Variants in WWOX observed in about 807,000 individuals in gnomAD.
The protein encoded by WWOX is WW domain-containing oxidoreductase.
Under a neutral mutation model 46.2 loss-of-function variants are expected in WWOX, and 69 were observed. The ratio of observed to expected loss-of-function variants is 1.49; its 90% confidence interval spans 1.23 to 1.82. The LOEUF is 1.82. Among genes scored for constraint, WWOX ranks in the 40% most tolerant of loss-of-function variants. The probability of loss-of-function intolerance (pLI) is 0.00; values close to 1 mark genes in which losing one functional copy is unlikely to be tolerated. For synonymous variants in WWOX, 359 were observed against 202.6 expected (o/e 1.77, Z -6.56); for missense variants, 919 against 542.6 (o/e 1.69, Z -6.89).
intron 8 of WWOX, among the ~76,000 whole-genome samples, chr16:78,648,917 A>T (rs1034444005): frequency 8.6e-5 from 13 of 152,042 alleles, no homozygotes; most frequent in African/African-American, 2.9e-4. Context: ...ATTTTTTCCC[A>T]CATGGCTTTT....
rs59614274 is a variant in WWOX, at chr16:78,861,156, C to G, written c.1057-350452C>G. Among the ~76,000 whole-genome samples, 1,278 of 152,202 alleles carry G rather than the reference C, an allele frequency of 8.4e-3. 21 individuals are homozygous for G. The highest frequency in any genetic ancestry group is 0.029 in the African/African-American group (1,213 of 41,518). Reference sequence around the variant, plus strand: ...GTCTGCCTGCCTGCCTTTCCTCCCTCTCTCTCTTTCTTCCTCTCTTTGCTT... The same window carrying G: ...GTCTGCCTGCCTGCCTTTCCTCCCTGTCTCTCTTTCTTCCTCTCTTTGCTT... On this transcript the variant is annotated intron_variant, in intron 8 of 8. Transcript: ENST00000566780.
Position 78,358,974 on chromosome 16 carries a change from A to G in WWOX, c.517-27886A>G, listed in dbSNP as rs933627934. Among the ~76,000 whole-genome samples, 4 of 150,610 alleles carry G rather than the reference A, an allele frequency of 2.7e-5. No homozygotes were observed. The East Asian group carries it at 7.8e-4, about 29-fold the overall frequency. On this transcript the variant is annotated intron_variant, in intron 5 of 8. Coordinates refer to ENST00000566780, the MANE Select transcript of WWOX (RefSeq NM_016373.4). ...ACTTGACATTATAGCTTCATAACTT[A>G]GTAAATTAATCCCTTATTGCTGGGC...
chr16:79,155,386 C>T (rs578252785), intron 8 of WWOX, among the ~76,000 whole-genome samples: 1 of 151,556 alleles, frequency 6.6e-6, no homozygotes, highest in East Asian at 1.9e-4. Flanking sequence ...ACAACAACAA[C>T]AAAAAAGGTG....
intron 8 of WWOX, among the ~76,000 whole-genome samples, chr16:79,105,441 T>C (rs2150641989): frequency 6.6e-6 from 1 of 152,264 alleles, no homozygotes; most frequent in South Asian, 2.1e-4. Context: ...TCCCTGTCCC[T>C]GTCTACACCC....
chr16:78,178,168 A>G (rs917899519), intron 5 of WWOX, among the ~76,000 whole-genome samples: 11 of 152,222 alleles, frequency 7.2e-5, no homozygotes, highest in African/African-American at 2.4e-4. Flanking sequence ...AGACAGCCAC[A>G]TGCAAGTGGC....
chr16:78,240,246 C>T (rs1018578906), intron 5 of WWOX, among the ~76,000 whole-genome samples: 17 of 151,734 alleles, frequency 1.1e-4, no homozygotes, highest in African/African-American at 1.9e-4. Flanking sequence ...CGGGAGGCTG[C>T]GGAGGGGGCA....
chr16:78,597,957 C>T (rs1051754224), intron 8 of WWOX, among the ~76,000 whole-genome samples: 2 of 151,812 alleles, frequency 1.3e-5, no homozygotes, highest in African/African-American at 4.8e-5. Flanking sequence ...TGCGGTATGC[C>T]CTTTAATAGT....
intron 5 of WWOX, among the ~76,000 whole-genome samples, chr16:78,359,747 C>G (rs767725324): frequency 5.3e-5 from 8 of 152,034 alleles, no homozygotes; most frequent in Non-Finnish European, 1.0e-4. Flanking sequence ...ATGAGAAGCC[C>G]TGATGTTGAG....
intron 8 of WWOX, among the ~76,000 whole-genome samples, chr16:78,705,981 G>C (rs1394742096): frequency 6.6e-6 from 1 of 150,708 alleles, no homozygotes; most frequent in Admixed American, 6.6e-5. Flanking sequence ...GTACAGCAGT[G>C]ACTCAGATAG....
intron 8 of WWOX, among the ~76,000 whole-genome samples, chr16:78,478,799 G>A (rs1272284372): frequency 6.6e-6 from 1 of 151,840 alleles, no homozygotes; most frequent in South Asian, 2.1e-4. Context: ...TGGTGGTGAG[G>A]GTTTTTTAAA....
At chr16:78,672,876 A>C (rs780670213) in intron 8 of WWOX, among the ~76,000 whole-genome samples, 1 of 152,196 alleles carries the variant, frequency 6.6e-6, no homozygotes, top group Non-Finnish European at 1.5e-5. Flanking sequence ...TGATGGATAG[A>C]AAAAGTAAAG....
intron 8 of WWOX, among the ~76,000 whole-genome samples, chr16:78,762,933 C>T (rs561587512): frequency 3.8e-4 from 58 of 152,256 alleles, no homozygotes; most frequent in Non-Finnish European, 6.6e-4. Flanking sequence ...GAGAACAGAA[C>T]GACAAACAAC....
intron 8 of WWOX, among the ~76,000 whole-genome samples, chr16:79,091,516 G>T (rs150106585): frequency 6.6e-6 from 1 of 152,022 alleles, no homozygotes; most frequent in Non-Finnish European, 1.5e-5. Context: ...TTTGGCTCTT[G>T]GCTTGAGGCT....
intron 4 of WWOX, among the ~76,000 whole-genome samples, chr16:78,155,749 A>G (rs2034575940): frequency 6.6e-6 from 1 of 152,210 alleles, no homozygotes; most frequent in Non-Finnish European, 1.5e-5. Context: ...ATTATTTTGC[A>G]CAAACTTTGG....
At chr16:78,693,707 G>T (rs1328586927) in intron 8 of WWOX, among the ~76,000 whole-genome samples, 2 of 152,004 alleles carry the variant, frequency 1.3e-5, no homozygotes, top group Admixed American at 6.6e-5. Flanking sequence ...GCTACTAATC[G>T]CCCTCTATTG....
chr16:78,877,873 G>A (rs994915987), intron 8 of WWOX, among the ~76,000 whole-genome samples: 3 of 152,114 alleles, frequency 2.0e-5, no homozygotes, highest in African/African-American at 4.8e-5. Context: ...GCTAAGCCCA[G>A]CAGCCCAAAA....
In WWOX at chr16:78,164,350, A is replaced by G. The variant is rs546999316; in HGVS notation, c.516+61A>G. On this transcript the variant is annotated intron_variant, in intron 5 of 8. Coordinates refer to ENST00000566780, the MANE Select transcript of WWOX (RefSeq NM_016373.4). Reference sequence around the variant, plus strand: ...CAAATACACATGCCGGGCTAACCATATGGAGATTTCAGTGGAGTGTGTAAA... The same window carrying G: ...CAAATACACATGCCGGGCTAACCATGTGGAGATTTCAGTGGAGTGTGTAAA... The G allele has an allele frequency of 6.5e-5, 95 of 1,470,118 alleles. 2 individuals carry two copies. In the South Asian group the frequency reaches 6.6e-4, roughly 10 times the overall value. 91.1% of individuals were successfully genotyped at this position (1,470,118 alleles called of 1,614,324 possible). A position where few individuals can be genotyped will look rare whatever the true frequency, so the allele number is the denominator to read the frequency against.
intron 5 of WWOX, among the ~76,000 whole-genome samples, chr16:78,294,578 T>C (rs925299774): frequency 1.3e-5 from 2 of 152,150 alleles, no homozygotes; most frequent in African/African-American, 4.8e-5. Flanking sequence ...ATCATAATTA[T>C]CTATTTGTGT....
At chr16:78,361,863 C>T (rs545889978) in intron 5 of WWOX, among the ~76,000 whole-genome samples, 16 of 152,198 alleles carry the variant, frequency 1.1e-4, no homozygotes, top group African/African-American at 2.6e-4. Context: ...CCTCCCACCT[C>T]GGACTCCCAA....
Sources: gnomAD v4.1 joint callset for allele counts (sites outside exome capture counted in the v4.1 genomes callset) on GRCh38, gnomAD v4.1.1 for gene constraint, MANE v1.5 for transcripts, NCBI Gene and HGNC (gene_info 2026-07-23, HGNC 2026-07-21) for gene names.